The following NTN1 variants were observed in gnomAD, a reference collection of about 807,000 sequenced individuals.
NTN1 encodes netrin 1.
Under a neutral mutation model 54.2 loss-of-function variants are expected in NTN1, and 11 were observed. The ratio of observed to expected loss-of-function variants is 0.20; its 90% CI spans 0.13 to 0.34. NTN1 has a LOEUF of 0.34. Ranked by LOEUF, NTN1 falls within the 10% of genes least tolerant of loss-of-function variation. The pLI, the probability that NTN1 is intolerant of heterozygous loss-of-function variation, is 1.00. For synonymous variants in NTN1, 371 were observed against 382.0 expected (o/e 0.97, Z 0.33); for missense variants, 740 against 893.1 (o/e 0.83, Z 2.18).
At position 9,210,434 on chromosome 17, in the gene NTN1, ACC is replaced by A. The variant is rs766710463; in HGVS notation, c.1412-10730_1412-10729del. Among the ~76,000 whole-genome samples, 23 of 73,994 alleles carry A rather than the reference ACC, an allele frequency of 3.1e-4. 1 individual carries two copies. Among genetic ancestry groups the A allele is most frequent in the African/African-American group, 8.5e-4 (12 of 14,130 alleles). 48.5% of individuals were successfully genotyped at this position (73,994 alleles called of 152,430 possible). A position where few individuals can be genotyped will look rare whatever the true frequency, so the allele number is the denominator to read the frequency against. On this transcript the variant is annotated intron_variant, in intron 5 of 6. Coordinates refer to ENST00000173229, the MANE Select transcript of NTN1 (RefSeq NM_004822.3). ...CACATGTGCGTGCACACACACACAC[ACC>A]CCCACACCCACACACACACACACAC...
At position 9,034,363 on chromosome 17, in the gene NTN1, A is replaced by C. The variant is rs151033732; in HGVS notation, c.1018+10972A>C. On this transcript the variant is annotated intron_variant, in intron 2 of 6. Coordinates refer to ENST00000173229, the MANE Select transcript of NTN1 (RefSeq NM_004822.3). ...CCATGTACTGTTCTAAGCCCTTTATAAGTATTACCTCATTTAATCCTCATA... is the reference window on the plus strand; with the variant it reads ...CCATGTACTGTTCTAAGCCCTTTATCAGTATTACCTCATTTAATCCTCATA... Among the ~76,000 whole-genome samples the C allele has an allele frequency of 2.6e-5, 4 of 152,058 alleles. No individual in the cohort carries two copies. In the East Asian group the frequency reaches 7.7e-4, roughly 29 times the overall value.
intron 2 of NTN1, among the ~76,000 whole-genome samples, chr17:9,024,265 C>G (rs1428811420): frequency 1.3e-5 from 2 of 152,160 alleles, no homozygotes; most frequent in Non-Finnish European, 2.9e-5. Flanking sequence ...GACGACTTTG[C>G]TGCTGCAGAA....
intron 2 of NTN1, among the ~76,000 whole-genome samples, chr17:9,120,759 C>T (rs1033099001): frequency 2.6e-5 from 4 of 152,198 alleles, no homozygotes; most frequent in African/African-American, 4.8e-5. Flanking sequence ...AGCGTCATAG[C>T]GACATGGTCT....
intron 2 of NTN1, among the ~76,000 whole-genome samples, chr17:9,052,120 G>A (rs915082384): frequency 5.3e-5 from 8 of 152,054 alleles, no homozygotes; most frequent in African/African-American, 1.2e-4. Context: ...TTACAGGCAC[G>A]CGCCACCATG....
chr17:9,023,487 G>T, intron 2 of NTN1, 96 bp downstream of exon 2: 1 of 1,286,102 alleles, frequency 7.8e-7, no homozygotes, highest in South Asian at 2.3e-5. Context: ...CGCGGGTCGA[G>T]GGAACGGCGG....
In NTN1 at chr17:9,221,491, G is replaced by A. The variant is rs112456479; in HGVS notation, c.1486+249G>A. On this transcript the variant is annotated intron_variant, in intron 6 of 6. Coordinates refer to ENST00000173229, the MANE Select transcript of NTN1 (RefSeq NM_004822.3). This position sits in a 1 kb window ranked among gnomAD's most constrained non-coding sequence, Gnocchi z 4.5. ...CACCCTCCTGAGGCTGGGACACCCA[G>A]GCTGGCCTCTGGCTTTGACTCTGCC... Among the ~76,000 whole-genome samples, 1 of 152,234 alleles carries A rather than the reference G, an allele frequency of 6.6e-6. No individual in the cohort carries two copies. The highest frequency in any genetic ancestry group is 1.5e-5 in the Non-Finnish European group (1 of 68,036).
chr17:9,193,706 T>A (rs1268614754), intron 5 of NTN1, among the ~76,000 whole-genome samples: 2 of 150,660 alleles, frequency 1.3e-5, no homozygotes, highest in Non-Finnish European at 3.0e-5. Context: ...GTGGATCACC[T>A]GAGGTCGGGA....
chr17:9,109,165 G>T (rs1200557466), intron 2 of NTN1, among the ~76,000 whole-genome samples: 2 of 152,210 alleles, frequency 1.3e-5, no homozygotes, highest in Non-Finnish European at 2.9e-5. Context: ...GTGAGGCACA[G>T]TGCCTGGCCT....
intron 2 of NTN1, among the ~76,000 whole-genome samples, chr17:9,043,577 CTT>C (rs111336083): frequency 6.9e-6 from 1 of 145,940 alleles, no homozygotes. Flanking sequence ...TAATCTCTCT[CTT>C]TTTTTTTTTT....
At chr17:9,058,637 C>CAAAAAAAAAAAAAAAAAAA (rs3053457) in intron 2 of NTN1, among the ~76,000 whole-genome samples, 18 of 58,896 alleles carry the variant, frequency 3.1e-4, no homozygotes, top group East Asian at 1.8e-3. Flanking sequence ...GGTAGGCACT[C>CAAAAAAAAAAAAAAAAAAA]AAAAAAAAAA....
chr17:9,082,189 A>G (rs2092073408), intron 2 of NTN1, among the ~76,000 whole-genome samples: 1 of 152,080 alleles, frequency 6.6e-6, no homozygotes, highest in African/African-American at 2.4e-5. Context: ...CCTCCTGAGT[A>G]ACTGGGATTA....
At chr17:9,196,714 G>T (rs1365076948) in intron 5 of NTN1, among the ~76,000 whole-genome samples, 1 of 152,212 alleles carries the variant, frequency 6.6e-6, no homozygotes, top group Non-Finnish European at 1.5e-5. Context: ...TCCTAGAGAA[G>T]AGTGTGACAA....
intron 2 of NTN1, among the ~76,000 whole-genome samples, chr17:9,151,770 G>A (rs2092328210): frequency 6.6e-6 from 1 of 152,116 alleles, no homozygotes; most frequent in Non-Finnish European, 1.5e-5. Context: ...GGACTTCCTG[G>A]GTCTGCTGGG....
chr17:9,093,817 T>C (rs1189331984), intron 2 of NTN1, among the ~76,000 whole-genome samples: 1 of 152,112 alleles, frequency 6.6e-6, no homozygotes, highest in African/African-American at 2.4e-5. Context: ...CTTCTAAAAA[T>C]ATAAAAATTA....
intron 5 of NTN1, among the ~76,000 whole-genome samples, chr17:9,220,453 G>A (rs987036243): frequency 5.3e-5 from 8 of 152,182 alleles, no homozygotes; most frequent in Admixed American, 5.2e-4. Context: ...TTGGGCTGAA[G>A]TGGGAAGCTG....
In NTN1 at chr17:9,169,115, G is replaced by A. The variant is rs79340502; in HGVS notation, c.1207+6114G>A. Reference sequence around the variant, plus strand: ...CATCACAAACCTTACCTACGTATTTGGCTCCATGTTCAGTCTACAGGGTAT... The same window carrying A: ...CATCACAAACCTTACCTACGTATTTAGCTCCATGTTCAGTCTACAGGGTAT... On this transcript the variant is annotated intron_variant, in intron 3 of 6. Transcript: ENST00000173229. 2.2e-4 allele frequency among the ~76,000 whole-genome samples: 34 copies of A among 151,316 alleles called. No individual in the cohort carries two copies. In the East Asian group the frequency reaches 7.2e-3, roughly 32 times the overall value.
At chr17:9,045,006 G>A (rs2091937181) in intron 2 of NTN1, among the ~76,000 whole-genome samples, 1 of 152,178 alleles carries the variant, frequency 6.6e-6, no homozygotes, top group South Asian at 2.1e-4. Context: ...CCCGGCCTCG[G>A]ACTCCTCCTT....
At chr17:9,108,958 C>A (rs1020680196) in intron 2 of NTN1, among the ~76,000 whole-genome samples, 4 of 151,536 alleles carry the variant, frequency 2.6e-5, no homozygotes, top group Admixed American at 2.6e-4. Flanking sequence ...CTCACTGCAA[C>A]CTCTGCCTCC....
At chr17:9,091,265 T>C (rs2142233108) in intron 2 of NTN1, among the ~76,000 whole-genome samples, 1 of 152,286 alleles carries the variant, frequency 6.6e-6, no homozygotes, top group South Asian at 2.1e-4. Flanking sequence ...TTTTTCTCTA[T>C]GTTTTAGAGA....
Sources: allele counts gnomAD v4.1 joint callset (sites outside exome capture counted in the v4.1 genomes callset), GRCh38; gene constraint gnomAD v4.1.1; non-coding constraint Gnocchi (gnomAD v3.1); transcripts MANE v1.5; gene names NCBI Gene and HGNC (gene_info 2026-07-23, HGNC 2026-07-21).